TMEM150C: variants seen among roughly 807,000 people sequenced by gnomAD.
TMEM150C encodes tentonin 3.
In TMEM150C, 10 loss-of-function variants were observed where a neutral mutation model predicts 29.9. That is an observed-to-expected ratio of 0.33 (90% CI 0.21 to 0.57). The LOEUF is 0.57. Among genes scored for constraint, TMEM150C ranks in the 20% least tolerant of loss-of-function variants. The pLI, the probability that TMEM150C is intolerant of heterozygous loss-of-function variation, is 0.88. For missense variants in TMEM150C, 251 were observed against 303.6 expected (o/e 0.83, Z 1.29); for synonymous variants, 101 against 112.5 (o/e 0.90, Z 0.64).
intron 1 of TMEM150C, among the ~76,000 whole-genome samples, chr4:82,553,410 A>G (rs142960844): frequency 4.7e-4 from 71 of 152,320 alleles, no homozygotes; most frequent in Middle Eastern, 6.8e-3. Context: ...GACAAACAAT[A>G]TGTTGAGAAC....
intron 7 of TMEM150C, among the ~76,000 whole-genome samples, chr4:82,487,468 G>A (rs921826052): frequency 5.9e-5 from 9 of 152,078 alleles, no homozygotes; most frequent in African/African-American, 1.2e-4. Flanking sequence ...AAAACATCTC[G>A]GAGTGATTTA....
intron 6 of TMEM150C, among the ~76,000 whole-genome samples, chr4:82,492,842 C>T: frequency 9.3e-6 from 1 of 107,242 alleles, no homozygotes; most frequent in African/African-American, 3.7e-5. Context: ...ACATCTTCAT[C>T]AAACCTAGCG....
intron 1 of TMEM150C, among the ~76,000 whole-genome samples, chr4:82,541,791 A>G (rs1725209878): frequency 6.6e-6 from 1 of 152,234 alleles, no homozygotes; most frequent in African/African-American, 2.4e-5. Flanking sequence ...ATACTAAAAC[A>G]GCCCAAGTCT....
At chr4:82,502,278 C>T (rs1723761687) in intron 5 of TMEM150C, among the ~76,000 whole-genome samples, 1 of 152,170 alleles carries the variant, frequency 6.6e-6, no homozygotes, top group Non-Finnish European at 1.5e-5. Flanking sequence ...GAGTGTAATC[C>T]TAATGCTGAT....
At chr4:82,549,262 A>G (rs1725491786) in intron 1 of TMEM150C, among the ~76,000 whole-genome samples, 1 of 152,226 alleles carries the variant, frequency 6.6e-6, no homozygotes, top group South Asian at 2.1e-4. Context: ...TATATATACT[A>G]TGGAATATTA....
rs374026731 is a variant in TMEM150C, at chr4:82,502,936, TA to T, written c.135-10del. On this transcript the variant is annotated splice_polypyrimidine_tract_variant and intron_variant, in intron 3 of 7. Coordinates refer to ENST00000449862, the MANE Select transcript of TMEM150C (RefSeq NM_001080506.3). ...GCTTCACACCAGGTTTCCTGGATAA[TA>T]AAAAAAAAAAACACAGAAGCTCAGG... 0.03 allele frequency: 30,753 copies of T among 1,013,066 alleles called. No homozygotes were observed. The highest frequency in any genetic ancestry group is 0.065 in the South Asian group (3,131 of 47,922). 62.8% of individuals were successfully genotyped at this position (1,013,066 alleles called of 1,614,324 possible).
chr4:82,502,826 A>T (rs1223698972), intron 4 of TMEM150C, 32 bp from the exon 5 acceptor site: 7 of 1,588,876 alleles, frequency 4.4e-6, no homozygotes, highest in Non-Finnish European at 6.0e-6. Flanking sequence ...TATAGTTACT[A>T]TATCAAAATC....
intron 1 of TMEM150C, among the ~76,000 whole-genome samples, chr4:82,561,461 G>A (rs1428610741): frequency 1.3e-5 from 2 of 152,150 alleles, no homozygotes; most frequent in African/African-American, 2.4e-5. Context: ...CACAGGGACC[G>A]GGAGGTCAAA....
chr4:82,546,862 G>A (rs532971692), intron 1 of TMEM150C, among the ~76,000 whole-genome samples: 1 of 151,944 alleles, frequency 6.6e-6, no homozygotes, highest in South Asian at 2.1e-4. Flanking sequence ...AATAAAACTG[G>A]ACTTCTACCT....
chr4:82,495,032 C>T (rs1458362731), intron 6 of TMEM150C: 2 of 1,226,210 alleles, frequency 1.6e-6, no homozygotes. Context: ...GTTTGTGCTG[C>T]AGGACACGTG....
At chr4:82,501,455 C>G (rs1161914741) in intron 5 of TMEM150C, among the ~76,000 whole-genome samples, 1 of 152,182 alleles carries the variant, frequency 6.6e-6, no homozygotes, top group Non-Finnish European at 1.5e-5. Context: ...GTGTAGCAGC[C>G]CAGGCTTTCC....
chr4:82,535,946 A>G (rs572703216), intron 1 of TMEM150C, among the ~76,000 whole-genome samples: 1 of 152,250 alleles, frequency 6.6e-6, no homozygotes, highest in Admixed American at 6.5e-5. Context: ...CCCTGCTGCA[A>G]CAACCAAAAA....
At chr4:82,532,403 A>G (rs1227059325) in intron 1 of TMEM150C, among the ~76,000 whole-genome samples, 1 of 152,254 alleles carries the variant, frequency 6.6e-6, no homozygotes, top group Non-Finnish European at 1.5e-5. Flanking sequence ...ATGAATTTAG[A>G]AAGAAACATA....
Position 82,483,990 on chromosome 4 carries a change from T to G in TMEM150C, c.*1521A>C, listed in dbSNP as rs1182848633. The G allele has an allele frequency of 2.0e-5, 3 of 152,006 alleles. No individual in the cohort carries two copies. In the East Asian group the frequency reaches 5.8e-4, roughly 30 times the overall value. 9.4% of individuals were successfully genotyped at this position (152,006 alleles called of 1,614,324 possible). On this transcript the variant is annotated 3_prime_UTR_variant, in exon 8 of 8. Coordinates refer to ENST00000449862, the MANE Select transcript of TMEM150C (RefSeq NM_001080506.3). Reference sequence around the variant, plus strand: ...TTTTTTTAGTAGAGACGGGGTTTCTTCACATTGGTCAGGCTGGTCTCGAGC... The same window carrying G: ...TTTTTTTAGTAGAGACGGGGTTTCTGCACATTGGTCAGGCTGGTCTCGAGC...
intron 1 of TMEM150C, among the ~76,000 whole-genome samples, chr4:82,555,465 T>C (rs1455044000): frequency 6.6e-6 from 1 of 152,220 alleles, no homozygotes; most frequent in Non-Finnish European, 1.5e-5. Context: ...AGCTGTTTTT[T>C]CAAGGGCGTT....
chr4:82,500,929 C>T (rs1723717767), intron 5 of TMEM150C, among the ~76,000 whole-genome samples: 1 of 152,200 alleles, frequency 6.6e-6, no homozygotes, highest in Non-Finnish European at 1.5e-5. Flanking sequence ...AAGCACTTAG[C>T]ATTGTTCCTG....
chr4:82,533,254 T>C (rs1166034263), intron 1 of TMEM150C, among the ~76,000 whole-genome samples: 2 of 152,384 alleles, frequency 1.3e-5, no homozygotes, highest in Non-Finnish European at 2.9e-5. Flanking sequence ...TATATTTGTA[T>C]GAGAGCCATG....
intron 1 of TMEM150C, among the ~76,000 whole-genome samples, chr4:82,535,552 A>T (rs1027977905): frequency 4.6e-5 from 7 of 152,216 alleles, no homozygotes; most frequent in African/African-American, 1.4e-4. Flanking sequence ...TACAGTGACA[A>T]GGAGAAACCA....
rs1241516706 is a variant in TMEM150C, at chr4:82,491,460, C to T, written c.364-1222G>A. The stretch of plus-strand genomic sequence containing the variant: ...TGTCTGCCACTGCAACCTGATATAG[C>T]GGGGCAATTTCACAAAGCGAGTGAG... On this transcript the variant is annotated intron_variant, in intron 6 of 7. Coordinates refer to ENST00000449862, the MANE Select transcript of TMEM150C (RefSeq NM_001080506.3). 5.9e-5 allele frequency: 41 copies of T among 689,948 alleles called. 2 individuals are homozygous for T. The highest frequency in any genetic ancestry group is 5.9e-4 in the South Asian group (38 of 64,632). The allele number at this position is 689,948 out of a possible 1,614,324, so 42.7% of individuals were successfully genotyped here. A position where few individuals can be genotyped will look rare whatever the true frequency, so the allele number is the denominator to read the frequency against.
Sources: allele counts gnomAD v4.1 joint callset (sites outside exome capture counted in the v4.1 genomes callset), GRCh38; gene constraint gnomAD v4.1.1; transcripts MANE v1.5; gene names NCBI Gene and HGNC (gene_info 2026-07-23, HGNC 2026-07-21).